Variants in SIPA1L1 observed in about 807,000 individuals in gnomAD.
SIPA1L1 encodes the protein signal induced proliferation associated 1 like 1, also known as signal-induced proliferation-associated 1-like protein 1.
Under a neutral mutation model 162.7 loss-of-function variants are expected in SIPA1L1, and 26 were observed. The ratio of observed to expected loss-of-function variants is 0.16; its 90% CI spans 0.12 to 0.22. The LOEUF is 0.22. Among genes scored for constraint, SIPA1L1 ranks in the 10% least tolerant of loss-of-function variants. The probability of loss-of-function intolerance (pLI) is 1.00; values close to 1 mark genes in which losing one functional copy is unlikely to be tolerated. For missense variants in SIPA1L1, 1,874 were observed against 2,241.0 expected (o/e 0.84, Z 3.31); for synonymous variants, 829 against 837.4 (o/e 0.99, Z 0.17).
chr14:71,700,210 G>T (rs1363068499), intron 14 of SIPA1L1, among the ~76,000 whole-genome samples: 1 of 152,140 alleles, frequency 6.6e-6, no homozygotes, highest in Non-Finnish European at 1.5e-5. Context: ...AAGTTCAGAG[G>T]TTTAAAAGGT....
At chr14:71,392,790 C>T (rs991198479) in intron 2 of SIPA1L1, among the ~76,000 whole-genome samples, 5 of 152,218 alleles carry the variant, frequency 3.3e-5, no homozygotes, top group African/African-American at 1.2e-4. Flanking sequence ...GTCTCGGCCT[C>T]TCAAAGTGCA....
At chr14:71,494,079 C>T (rs2049516101) in intron 2 of SIPA1L1, among the ~76,000 whole-genome samples, 1 of 152,178 alleles carries the variant, frequency 6.6e-6, no homozygotes, top group South Asian at 2.1e-4. Flanking sequence ...TTTACACCTT[C>T]TTGTCCTATT....
intron 2 of SIPA1L1, among the ~76,000 whole-genome samples, chr14:71,421,953 A>G (rs2043216718): frequency 6.6e-6 from 1 of 152,236 alleles, no homozygotes; most frequent in Non-Finnish European, 1.5e-5. Flanking sequence ...GAACTTTATT[A>G]AAATGTTAAG....
chr14:71,612,895 G>C (rs1176217291), intron 5 of SIPA1L1, among the ~76,000 whole-genome samples: 2 of 152,004 alleles, frequency 1.3e-5, no homozygotes, highest in Admixed American at 1.3e-4. Flanking sequence ...CTATTTACCT[G>C]GAATATTTTA....
rs765473965 is a variant in SIPA1L1 at position 71,672,599 on chromosome 14, G to A, written c.3081G>A (p.Pro1027=). ...CGGTGAAGGTTGTCATCATTCCCCC[G>A]CATGATGACTGCACCCCGCGGAGGT... ...SVTVKVVIIP[P]HDDCTPRRSC... is the part of the protein sequence containing the mutation. The change falls in exon 12 of 24, where the codon CCG becomes CCA. Residue 1027 remains proline (P), a synonymous_variant. Transcript: ENST00000381232. 1.4e-5 allele frequency: 22 copies of A among 1,613,918 alleles called. No individual in the cohort carries two copies. The highest frequency in any genetic ancestry group is 2.7e-5 in the African/African-American group (2 of 74,946).
chr14:71,718,130 T>C (rs996552249), intron 17 of SIPA1L1, among the ~76,000 whole-genome samples: 3 of 152,222 alleles, frequency 2.0e-5, no homozygotes, highest in Non-Finnish European at 2.9e-5. Context: ...CTTCCAGGCA[T>C]CATTCCTCCT....
At chr14:71,463,234 C>T (rs187428182) in intron 2 of SIPA1L1, among the ~76,000 whole-genome samples, 208 of 152,242 alleles carry the variant, frequency 1.4e-3, no homozygotes, top group Non-Finnish European at 2.5e-3. Flanking sequence ...TTGGACTTTC[C>T]CTCCATAATA....
In SIPA1L1 at chr14:71,481,550, A is replaced by G. The variant is rs192924704; in HGVS notation, c.-464-31193A>G. 3.0e-3 allele frequency among the ~76,000 whole-genome samples: 462 copies of G among 152,338 alleles called. 6 individuals carry two copies. Among genetic ancestry groups the G allele is most frequent in the East Asian group, 5.8e-4 (3 of 5,190 alleles). ...AAAAGTCCCCAAAAAAAGAGAGGCT[A>G]ATGATTAACATATTCATTCTCTACT... On this transcript the variant is annotated intron_variant, in intron 2 of 23. Coordinates refer to ENST00000381232, the MANE Select transcript of SIPA1L1 (RefSeq NM_001386936.1).
At chr14:71,346,160 C>T (rs1171339206) in intron 2 of SIPA1L1, among the ~76,000 whole-genome samples, 2 of 152,172 alleles carry the variant, frequency 1.3e-5, no homozygotes, top group African/African-American at 4.8e-5. Flanking sequence ...CCTGCCTCGG[C>T]TTCCCAAAGT....
chr14:71,699,256 G>A (rs894946744), intron 14 of SIPA1L1, 129 bp downstream of exon 14: 17 of 898,244 alleles, frequency 1.9e-5, no homozygotes, highest in East Asian at 1.0e-4. Context: ...AAGAGAAAAC[G>A]TAGTTAATAA....
At chr14:71,512,377 A>G (rs1014211549) in intron 2 of SIPA1L1, among the ~76,000 whole-genome samples, 21 of 152,106 alleles carry the variant, frequency 1.4e-4, no homozygotes, top group African/African-American at 5.1e-4. Flanking sequence ...TCACGAGGTC[A>G]GGAGATCGAG....
intron 5 of SIPA1L1, among the ~76,000 whole-genome samples, chr14:71,618,052 T>C (rs1386509629): frequency 6.6e-6 from 1 of 152,252 alleles, no homozygotes; most frequent in Non-Finnish European, 1.5e-5. Context: ...CGCCAGTCCT[T>C]TGGAGGCTTG....
At chr14:71,502,255 A>T (rs4617783) in intron 2 of SIPA1L1, among the ~76,000 whole-genome samples, 30,432 of 96,540 alleles carry the variant, frequency 0.32, 5,084 homozygotes, top group East Asian at 0.51. Flanking sequence ...AAAAAAAAAA[A>T]ATATATATAT....
rs201797447 is a variant in SIPA1L1, at chr14:71,494,523, CT to C, written c.-464-18203del. ...TCTAATTGAGATTTTCTTTTCTTTT[CT>C]TTTTTTTTTTTTTTTTGAGACAGGG... On this transcript the variant is annotated intron_variant, in intron 2 of 23. Transcript: ENST00000381232. Among the ~76,000 whole-genome samples, 638 of 126,692 alleles carry C rather than the reference CT, an allele frequency of 5.0e-3. 5 individuals are homozygous for C. Among genetic ancestry groups the C allele is most frequent in the African/African-American group, 0.014 (482 of 34,800 alleles). The allele number at this position is 126,692 out of a possible 152,430, so 83.1% of individuals were successfully genotyped here. A position where few individuals can be genotyped will look rare whatever the true frequency, so the allele number is the denominator to read the frequency against.
intron 4 of SIPA1L1, among the ~76,000 whole-genome samples, chr14:71,544,398 T>G (rs554054075): frequency 2.0e-4 from 30 of 152,082 alleles, no homozygotes; most frequent in Admixed American, 5.2e-4. Flanking sequence ...ATGTATATTA[T>G]GAATACTTTT....
chr14:71,430,134 G>A (rs894740282), intron 2 of SIPA1L1, among the ~76,000 whole-genome samples: 1 of 152,178 alleles, frequency 6.6e-6, no homozygotes, highest in African/African-American at 2.4e-5. Context: ...ACCACAGGCA[G>A]AGGGAATACA....
At chr14:71,454,650 T>C (rs567758331) in intron 2 of SIPA1L1, among the ~76,000 whole-genome samples, 3 of 152,278 alleles carry the variant, frequency 2.0e-5, no homozygotes, top group South Asian at 4.1e-4. Flanking sequence ...CACTTAGAAA[T>C]TGGTGCCTGA....
intron 2 of SIPA1L1, among the ~76,000 whole-genome samples, chr14:71,428,913 T>C (rs2043783785): frequency 1.3e-5 from 2 of 152,166 alleles, no homozygotes; most frequent in Non-Finnish European, 2.9e-5. Flanking sequence ...TAAATGAAAA[T>C]AACCTCAATG....
intron 5 of SIPA1L1, among the ~76,000 whole-genome samples, chr14:71,605,228 C>A (rs187025454): frequency 8.1e-4 from 123 of 151,932 alleles, no homozygotes; most frequent in Non-Finnish European, 1.4e-3. Context: ...TCTAATATTT[C>A]TGTTTGTTTC....
Sources: gnomAD v4.1 joint callset for allele counts (sites outside exome capture counted in the v4.1 genomes callset) on GRCh38, gnomAD v4.1.1 for gene constraint, MANE v1.5 for transcripts, NCBI Gene and HGNC (gene_info 2026-07-23, HGNC 2026-07-21) for gene names.